Variants in IL1RAPL2 observed in about 807,000 individuals in gnomAD.
IL1RAPL2 encodes X-linked interleukin-1 receptor accessory protein-like 2.
A neutral mutation model predicts 44.1 loss-of-function variants in IL1RAPL2; 3 were observed. The observed-to-expected ratio is 0.07, with a 90% confidence interval of 0.03 to 0.18. IL1RAPL2 has a LOEUF of 0.18. Ranked by LOEUF, IL1RAPL2 falls within the 10% of genes least tolerant of loss-of-function variation. IL1RAPL2 has a pLI of 1.00. For synonymous variants in IL1RAPL2, 181 were observed against 178.8 expected (o/e 1.01, Z -0.10); for missense variants, 391 against 496.4 (o/e 0.79, Z 2.02).
At chrX:105,183,580 T>G (rs2033555752) in intron 2 of IL1RAPL2, among the ~76,000 whole-genome samples, 1 of 111,823 alleles carries the variant, frequency 8.9e-6, no homozygotes, top group Admixed American at 9.5e-5. Context: ...ATGGCCCTGC[T>G]GCTGGTGTGG....
rs146393074 is a variant in IL1RAPL2 at position 105,356,395 on chromosome X, T to C, written c.697+88854T>C. 3.0e-3 allele frequency among the ~76,000 whole-genome samples: 331 copies of C among 111,883 alleles called. 10 individuals carry two copies. In the East Asian group the frequency reaches 0.062, roughly 21 times the overall value. On this transcript the variant is annotated intron_variant, in intron 5 of 10. Coordinates refer to ENST00000372582, the MANE Select transcript of IL1RAPL2 (RefSeq NM_017416.2). ...ATACAGCAATATCATCAGTCATAGA[T>C]AGTTCATATTGCACATAATGGGCTC...
intron 6 of IL1RAPL2, among the ~76,000 whole-genome samples, chrX:105,601,852 C>G (rs2037254317): frequency 1.8e-5 from 2 of 111,048 alleles, no homozygotes; most frequent in African/African-American, 3.3e-5. Flanking sequence ...CACCACAACA[C>G]CACCTGGACC....
At chrX:105,513,088 G>A (rs1027398219) in intron 6 of IL1RAPL2, among the ~76,000 whole-genome samples, 12 of 111,121 alleles carry the variant, frequency 1.1e-4, no homozygotes, top group Non-Finnish European at 2.3e-4. Flanking sequence ...TCCCTGCAAA[G>A]GACATGAACT....
intron 2 of IL1RAPL2, among the ~76,000 whole-genome samples, chrX:104,702,670 C>A (rs1355642514): frequency 2.7e-5 from 3 of 111,351 alleles, no homozygotes; most frequent in East Asian, 2.8e-4. Flanking sequence ...GCTAGTGCAC[C>A]ATCTTGCTTC....
chrX:105,392,990 G>A (rs904304346), intron 5 of IL1RAPL2, among the ~76,000 whole-genome samples: 22 of 112,461 alleles, frequency 2.0e-4, no homozygotes, highest in African/African-American at 6.8e-4. Flanking sequence ...ATGTACTAGC[G>A]TAATCAACCA....
chrX:104,927,260 T>C (rs764788782), intron 2 of IL1RAPL2, among the ~76,000 whole-genome samples: 54 of 111,494 alleles, frequency 4.8e-4, no homozygotes, highest in African/African-American at 1.7e-3. Flanking sequence ...CAACTACATC[T>C]CCATCACTTC....
Position 105,425,950 on chromosome X carries a change from T to C in IL1RAPL2, c.698-58363T>C, listed in dbSNP as rs1221072885. ...GGTGCCCCCTCTTCCTGTTACTGTC[T>C]GTAACACTTGTCTATTTCTGCCAAA... On this transcript the variant is annotated intron_variant, in intron 5 of 10. Transcript: ENST00000372582. Among the ~76,000 whole-genome samples, 14 of 110,200 alleles carry C rather than the reference T, an allele frequency of 1.3e-4. No individual in the cohort carries two copies. In the East Asian group the frequency reaches 4.0e-3, roughly 32 times the overall value.
chrX:104,890,923 T>C (rs982794471), intron 2 of IL1RAPL2, among the ~76,000 whole-genome samples: 3 of 112,175 alleles, frequency 2.7e-5, no homozygotes, highest in East Asian at 2.8e-4. Flanking sequence ...AGGGTTTTTA[T>C]GGTTTTAGGT....
intron 2 of IL1RAPL2, among the ~76,000 whole-genome samples, chrX:105,186,231 C>CCT (rs2033585685): frequency 9.1e-6 from 1 of 110,391 alleles, no homozygotes; most frequent in South Asian, 3.9e-4. Context: ...AGTAAGACCT[C>CCT]CTAAGTTTCT....
At chrX:105,600,470 C>T (rs745559506) in intron 6 of IL1RAPL2, among the ~76,000 whole-genome samples, 7 of 108,289 alleles carry the variant, frequency 6.5e-5, no homozygotes, top group Admixed American at 9.9e-5. Context: ...TTATATCAAA[C>T]GAATTCATTA....
At chrX:104,901,336 G>A (rs1483216972) in intron 2 of IL1RAPL2, among the ~76,000 whole-genome samples, 9 of 104,406 alleles carry the variant, frequency 8.6e-5, no homozygotes, top group African/African-American at 3.1e-4. Context: ...TCAGCCTCGC[G>A]AGTAGCTGGG....
chrX:105,519,475 G>T (rs1462014585), intron 6 of IL1RAPL2, among the ~76,000 whole-genome samples: 1 of 111,168 alleles, frequency 9.0e-6, no homozygotes, highest in Non-Finnish European at 1.9e-5. Flanking sequence ...GGATTGGGTG[G>T]CAATCATGAT....
At chrX:104,574,092 TGGA>T (rs1928199178) in intron 1 of IL1RAPL2, among the ~76,000 whole-genome samples, 2 of 111,451 alleles carry the variant, frequency 1.8e-5, no homozygotes, top group Admixed American at 1.9e-4. Flanking sequence ...AGTCTTGAGA[TGGA>T]GAAGGTTTTT....
chrX:105,220,489 A>G lies in IL1RAPL2; in HGVS notation c.357-13329A>G, dbSNP rs6621945. 13,898 of 842,173 alleles carry G rather than the reference A, an allele frequency of 0.017. 1,072 individuals are homozygous for G. The African/African-American group carries it at 0.24, about 14-fold the overall frequency. 69.4% of individuals were successfully genotyped at this position (842,173 alleles called of 1,213,427 possible). ...TCCCCCTTAGCCCCTCCCCTCATCC[A>G]TCTTCTCCCGCCCTCTTGTCCCCGC... is the stretch of plus-strand genomic sequence containing the variant. On this transcript the variant is annotated intron_variant, in intron 3 of 10. Coordinates refer to ENST00000372582, the MANE Select transcript of IL1RAPL2 (RefSeq NM_017416.2).
intron 5 of IL1RAPL2, among the ~76,000 whole-genome samples, chrX:105,338,282 A>G (rs1235370651): frequency 8.9e-6 from 1 of 111,778 alleles, no homozygotes; most frequent in Non-Finnish European, 1.9e-5. Context: ...AACTAGAATT[A>G]CTCATATACT....
At chrX:104,583,501 G>A (rs1181177540) in intron 1 of IL1RAPL2, among the ~76,000 whole-genome samples, 1 of 111,915 alleles carries the variant, frequency 8.9e-6, no homozygotes, top group African/African-American at 3.3e-5. Context: ...CATACACTAT[G>A]TGGCATTTTG....
At chrX:104,895,562 G>A (rs755314401) in intron 2 of IL1RAPL2, among the ~76,000 whole-genome samples, 5 of 112,725 alleles carry the variant, frequency 4.4e-5, no homozygotes, top group African/African-American at 9.6e-5. Flanking sequence ...GTGAGGCTTC[G>A]TGGGCATGGG....
intron 2 of IL1RAPL2, among the ~76,000 whole-genome samples, chrX:104,891,256 G>A (rs1602786980): frequency 9.0e-6 from 1 of 111,489 alleles, no homozygotes; most frequent in East Asian, 2.8e-4. Flanking sequence ...TTGTTCTTTT[G>A]GCTTGGGATT....
intron 6 of IL1RAPL2, among the ~76,000 whole-genome samples, chrX:105,652,721 C>T (rs183658434): frequency 1.6e-4 from 18 of 111,484 alleles, no homozygotes; most frequent in Non-Finnish European, 3.0e-4. Context: ...ATTATCTTTA[C>T]CACTTATTAA....
Sources: allele counts gnomAD v4.1 joint callset (sites outside exome capture counted in the v4.1 genomes callset), GRCh38; gene constraint gnomAD v4.1.1; transcripts MANE v1.5; gene names NCBI Gene and HGNC (gene_info 2026-07-23, HGNC 2026-07-21).